GPM6A: variants seen among roughly 807,000 people sequenced by gnomAD.
GPM6A encodes glycoprotein M6A, also known as neuronal membrane glycoprotein M6-a.
A neutral mutation model predicts 32.1 loss-of-function variants in GPM6A; 7 were observed. That is an observed-to-expected ratio of 0.22 (90% CI 0.12 to 0.41). The LOEUF (loss-of-function observed/expected upper bound fraction) is 0.41, where lower values mean the gene tolerates loss of function less well. Among genes scored for constraint, GPM6A ranks in the 10% least tolerant of loss-of-function variants. GPM6A has a pLI of 1.00. For missense variants in GPM6A, 235 were observed against 347.2 expected (o/e 0.68, Z 2.57); for synonymous variants, 130 against 123.4 (o/e 1.05, Z -0.35).
chr4:175,817,655 G>A (rs1735150133), intron 1 of GPM6A, among the ~76,000 whole-genome samples: 1 of 152,188 alleles, frequency 6.6e-6, no homozygotes. Flanking sequence ...AAAAAAGGGG[G>A]AGGCAGATTG....
chr4:175,828,575 A>C (rs533311812), intron 1 of GPM6A, among the ~76,000 whole-genome samples: 4 of 152,308 alleles, frequency 2.6e-5, no homozygotes, highest in African/African-American at 7.2e-5. Context: ...TTAATCCCCT[A>C]ATGCAAAGAG....
At chr4:175,816,515 G>T (rs1194825365), upstream of GPM6A, among the ~76,000 whole-genome samples, 3 of 152,144 alleles carry the variant, frequency 2.0e-5, no homozygotes, top group African/African-American at 7.2e-5. Flanking sequence ...GACAAGTAAG[G>T]AGAGTTAACA....
At chr4:175,886,722 A>AACACACACAC (rs34241399) in intron 1 of GPM6A, among the ~76,000 whole-genome samples, 38 of 145,724 alleles carry the variant, frequency 2.6e-4, no homozygotes, top group African/African-American at 8.6e-4. Flanking sequence ...AAACTCAGTA[A>AACACACACAC]ACACACACAC....
At chr4:175,903,195 T>A (rs1037088298) in intron 1 of GPM6A, among the ~76,000 whole-genome samples, 5 of 151,978 alleles carry the variant, frequency 3.3e-5, no homozygotes, top group Admixed American at 6.6e-5. Context: ...AATGATGGAA[T>A]CCTATCCAAA....
At chr4:175,668,519 A>ATATGTGTGTGTGTGTGTGTGTGTGTGTG (rs1742873600) in intron 3 of GPM6A, among the ~76,000 whole-genome samples, 4 of 139,236 alleles carry the variant, frequency 2.9e-5, no homozygotes, top group African/African-American at 1.0e-4. Flanking sequence ...TCAAACGTTT[A>ATATGTGTGTGTGTGTGTGTGTGTGTGTG]TGTGTGTGTG....
chr4:175,635,829 G>C (rs546213361), intron 6 of GPM6A, among the ~76,000 whole-genome samples: 1 of 152,144 alleles, frequency 6.6e-6, no homozygotes, highest in African/African-American at 2.4e-5. Context: ...GATGAATTTT[G>C]ATGAATAGGG....
rs5864350 is a variant in GPM6A, at chr4:175,921,519, G to GA, written c.-23+80789dup. Among the ~76,000 whole-genome samples the GA allele has an allele frequency of 4.3e-3, 657 of 151,536 alleles. 7 individuals carry two copies. The highest frequency in any genetic ancestry group is 0.015 in the African/African-American group (620 of 41,190). On this transcript the variant is annotated intron_variant, in intron 1 of 7. Transcript: ENST00000280187. ...AAAATCATGGACCATCATTCCCAAA[G>GA]AAAAAAAATGAAATATAAATAAGAT...
intron 1 of GPM6A, among the ~76,000 whole-genome samples, chr4:175,719,207 T>TA (rs899372584): frequency 2.0e-5 from 3 of 151,844 alleles, no homozygotes; most frequent in African/African-American, 7.2e-5. Context: ...ACACAACTTT[T>TA]TTTTTTTTTT....
chr4:175,643,307 G>A (rs1467947802), intron 4 of GPM6A, among the ~76,000 whole-genome samples: 1 of 152,064 alleles, frequency 6.6e-6, no homozygotes, highest in African/African-American at 2.4e-5. Flanking sequence ...ACTCCCCTCA[G>A]AATAAAACCC....
intron 1 of GPM6A, among the ~76,000 whole-genome samples, chr4:175,729,121 A>T (rs1002397054): frequency 1.5e-4 from 23 of 152,194 alleles, no homozygotes; most frequent in African/African-American, 5.5e-4. Flanking sequence ...TGTTTTCCTC[A>T]TCTATCAGAT....
At chr4:175,805,353 A>G (rs1392479083) in intron 1 of GPM6A, among the ~76,000 whole-genome samples, 1 of 152,216 alleles carries the variant, frequency 6.6e-6, no homozygotes, top group Non-Finnish European at 1.5e-5. Context: ...AACCATAAAA[A>G]TGTAGAAAAT....
At chr4:175,845,871 G>A (rs1410682267) in intron 1 of GPM6A, among the ~76,000 whole-genome samples, 1 of 151,922 alleles carries the variant, frequency 6.6e-6, no homozygotes, top group African/African-American at 2.4e-5. Context: ...TCCATTATTT[G>A]AATGATAGAA....
intron 1 of GPM6A, among the ~76,000 whole-genome samples, chr4:175,756,603 T>G (rs1732536208): frequency 6.6e-6 from 1 of 151,972 alleles, no homozygotes; most frequent in Admixed American, 6.6e-5. Flanking sequence ...CAGACAGACA[T>G]AAATTTGAGC....
intron 1 of GPM6A, among the ~76,000 whole-genome samples, chr4:175,850,142 C>A (rs1440425766): frequency 2.0e-5 from 3 of 152,154 alleles, no homozygotes; most frequent in African/African-American, 7.2e-5. Context: ...AGACAACCTT[C>A]TTTCATTCTT....
chr4:175,949,053 T>G (rs2126368592), intron 1 of GPM6A, among the ~76,000 whole-genome samples: 1 of 151,834 alleles, frequency 6.6e-6, no homozygotes, highest in African/African-American at 2.4e-5. Context: ...CACAGTTGAA[T>G]TCCCTTCCAT....
intron 1 of GPM6A, among the ~76,000 whole-genome samples, chr4:175,904,726 C>A (rs1319249254): frequency 6.6e-6 from 1 of 152,074 alleles, no homozygotes; most frequent in Non-Finnish European, 1.5e-5. Context: ...AAATAAATAA[C>A]TAATTGCATA....
chr4:175,739,787 C>A (rs1468328170), intron 1 of GPM6A, among the ~76,000 whole-genome samples: 1 of 152,070 alleles, frequency 6.6e-6, no homozygotes, highest in Non-Finnish European at 1.5e-5. Context: ...CCACCATAAT[C>A]TCTTAAGATT....
chr4:175,738,860 T>C (rs1279811462), intron 1 of GPM6A, among the ~76,000 whole-genome samples: 2 of 152,172 alleles, frequency 1.3e-5, no homozygotes, highest in Non-Finnish European at 2.9e-5. Flanking sequence ...CTACACACCA[T>C]CTGCTATTTG....
chr4:175,985,484 T>C (rs1246297217), intron 1 of GPM6A, among the ~76,000 whole-genome samples: 1 of 152,232 alleles, frequency 6.6e-6, no homozygotes, highest in Non-Finnish European at 1.5e-5. Flanking sequence ...GTCTTTATTA[T>C]ATAGACAAGT....
Sources: allele counts gnomAD v4.1 joint callset (sites outside exome capture counted in the v4.1 genomes callset), GRCh38; gene constraint gnomAD v4.1.1; transcripts MANE v1.5; gene names NCBI Gene and HGNC (gene_info 2026-07-23, HGNC 2026-07-21).